PPM1H: variants seen among roughly 807,000 people sequenced by gnomAD.
The protein encoded by PPM1H is protein phosphatase 1H.
Under a neutral mutation model 54.9 loss-of-function variants are expected in PPM1H, and 27 were observed. That is an observed-to-expected ratio of 0.49 (90% CI 0.36 to 0.68). The LOEUF (loss-of-function observed/expected upper bound fraction) is 0.68. PPM1H is among the 30% of genes least tolerant of loss of function. The probability of loss-of-function intolerance (pLI) is 0.00; values close to 1 mark genes in which losing one functional copy is unlikely to be tolerated. For missense variants in PPM1H, 596 were observed against 667.8 expected (o/e 0.89, Z 1.19); for synonymous variants, 305 against 270.8 (o/e 1.13, Z -1.24).
intron 2 of PPM1H, among the ~76,000 whole-genome samples, chr12:62,811,455 C>T (rs932444243): frequency 1.3e-5 from 2 of 152,196 alleles, no homozygotes; most frequent in African/African-American, 4.8e-5. Flanking sequence ...ACTCATCTCG[C>T]TCTACTGTGC....
At chr12:62,700,513 G>A (rs935570408) in intron 6 of PPM1H, among the ~76,000 whole-genome samples, 3 of 152,128 alleles carry the variant, frequency 2.0e-5, no homozygotes, top group Non-Finnish European at 4.4e-5. Context: ...TGAGTATTTT[G>A]TCTATTAACA....
chr12:62,878,335 C>T (rs980064389), intron 1 of PPM1H, among the ~76,000 whole-genome samples: 2 of 151,956 alleles, frequency 1.3e-5, no homozygotes, highest in Non-Finnish European at 2.9e-5. Context: ...GTGTGGCACA[C>T]GATGGAGATG....
At chr12:62,691,030 G>T (rs1015672049) in intron 7 of PPM1H, among the ~76,000 whole-genome samples, 1 of 152,152 alleles carries the variant, frequency 6.6e-6, no homozygotes, top group Non-Finnish European at 1.5e-5. Context: ...AGATAAGAGG[G>T]AGATGTGTAA....
intron 7 of PPM1H, 71 bp downstream of exon 7, chr12:62,693,865 C>A: frequency 7.2e-7 from 1 of 1,390,200 alleles, no homozygotes; most frequent in Non-Finnish European, 1.0e-6. Context: ...ACACGGACTG[C>A]CACGGGCTAT....
At chr12:62,756,029 C>G (rs986527651) in intron 4 of PPM1H, 1 of 1,410,236 alleles carries the variant, frequency 7.1e-7, no homozygotes, top group Non-Finnish European at 9.9e-7. Context: ...GCGTCCGAGA[C>G]CCCCTCAAGG....
At chr12:62,658,457 G>A (rs574491154) in intron 9 of PPM1H, among the ~76,000 whole-genome samples, 32 of 151,470 alleles carry the variant, frequency 2.1e-4, no homozygotes, top group East Asian at 7.8e-4. Context: ...ATTTGCCTCC[G>A]TTTTGAATAT....
At chr12:62,784,312 C>A (rs1329204554) in intron 4 of PPM1H, among the ~76,000 whole-genome samples, 1 of 152,060 alleles carries the variant, frequency 6.6e-6, no homozygotes, top group African/African-American at 2.4e-5. Flanking sequence ...ACTCAAAAAC[C>A]CATAAAGCCA....
At chr12:62,889,150 A>G (rs934865648) in intron 1 of PPM1H, among the ~76,000 whole-genome samples, 1 of 152,214 alleles carries the variant, frequency 6.6e-6, no homozygotes, top group Non-Finnish European at 1.5e-5. Context: ...ATCAAAATCA[A>G]GAGGTTCTTG....
At chr12:62,929,932 G>A (rs1162671542) in intron 1 of PPM1H, among the ~76,000 whole-genome samples, 1 of 152,056 alleles carries the variant, frequency 6.6e-6, no homozygotes, top group Non-Finnish European at 1.5e-5. Flanking sequence ...AGTTGCAAAA[G>A]TCAAACAGGA....
At chr12:62,696,555 C>T (rs2076115819) in intron 6 of PPM1H, among the ~76,000 whole-genome samples, 1 of 152,116 alleles carries the variant, frequency 6.6e-6, no homozygotes, top group African/African-American at 2.4e-5. Context: ...GGACTTCCAT[C>T]CATAGTTACA....
chr12:62,703,982 G>A (rs1195470855), intron 6 of PPM1H, among the ~76,000 whole-genome samples: 2 of 20,902 alleles, frequency 9.6e-5, no homozygotes, highest in Non-Finnish European at 4.5e-4. Flanking sequence ...AAGCGTGTGT[G>A]TGTGTGTGTG....
intron 1 of PPM1H, among the ~76,000 whole-genome samples, chr12:62,900,560 AG>A (rs1165414919): frequency 6.8e-6 from 1 of 146,534 alleles, no homozygotes; most frequent in Non-Finnish European, 1.5e-5. Flanking sequence ...TAATAAAGAA[AG>A]AAGGGAAGAA....
intron 1 of PPM1H, among the ~76,000 whole-genome samples, chr12:62,890,715 TATAC>T (rs1368193921): frequency 1.0e-5 from 1 of 98,454 alleles, no homozygotes; most frequent in Non-Finnish European, 1.8e-5. Context: ...CGTGTGTGTG[TATAC>T]ACACACACAC....
At chr12:62,693,683 A>G (rs1051159601) in intron 7 of PPM1H, among the ~76,000 whole-genome samples, 4 of 152,152 alleles carry the variant, frequency 2.6e-5, no homozygotes, top group African/African-American at 7.2e-5. Flanking sequence ...ATTCAAATGG[A>G]TTGGGAAGGG....
At chr12:62,771,560 C>T (rs2076580320) in intron 4 of PPM1H, among the ~76,000 whole-genome samples, 1 of 149,226 alleles carries the variant, frequency 6.7e-6, no homozygotes, top group African/African-American at 2.5e-5. Flanking sequence ...CATATGCAAG[C>T]CATCTACACT....
At chr12:62,698,109 A>G (rs2076123792) in intron 6 of PPM1H, among the ~76,000 whole-genome samples, 1 of 152,130 alleles carries the variant, frequency 6.6e-6, no homozygotes, top group African/African-American at 2.4e-5. Context: ...GTAAAAAAAA[A>G]AGCCACTGTT....
At chr12:62,864,759 A>T (rs1869717139) in intron 1 of PPM1H, among the ~76,000 whole-genome samples, 1 of 152,208 alleles carries the variant, frequency 6.6e-6, no homozygotes, top group Non-Finnish European at 1.5e-5. Flanking sequence ...ACACAGGTAC[A>T]ATATGAGTAA....
chr12:62,823,094 CCAT>C (rs2076914450), intron 2 of PPM1H, among the ~76,000 whole-genome samples: 1 of 152,094 alleles, frequency 6.6e-6, no homozygotes, highest in African/African-American at 2.4e-5. Flanking sequence ...ATACAAACTA[CCAT>C]CAGAGAATAC....
intron 4 of PPM1H, among the ~76,000 whole-genome samples, chr12:62,753,253 T>C (rs562758824): frequency 6.6e-6 from 1 of 152,300 alleles, no homozygotes; most frequent in African/African-American, 2.4e-5. Context: ...ACTGAATAAA[T>C]CAGTTAATTT....
Sources: gnomAD v4.1 joint callset for allele counts (sites outside exome capture counted in the v4.1 genomes callset) on GRCh38, gnomAD v4.1.1 for gene constraint, MANE v1.5 for transcripts, NCBI Gene and HGNC (gene_info 2026-07-23, HGNC 2026-07-21) for gene names.